EVL: variants seen among roughly 807,000 people sequenced by gnomAD.
EVL encodes the protein ena/VASP-like protein.
A neutral mutation model predicts 59.6 loss-of-function variants in EVL; 21 were observed. That is an observed-to-expected ratio of 0.35 (90% CI 0.25 to 0.51). EVL has a LOEUF of 0.51. Ranked by LOEUF, EVL falls within the 20% of genes least tolerant of loss-of-function variation. EVL has a pLI of 0.97. For synonymous variants in EVL, 198 were observed against 203.5 expected (o/e 0.97, Z 0.23); for missense variants, 462 against 546.6 (o/e 0.85, Z 1.54).
In EVL at chr14:99,991,874, G is replaced by T. The variant is rs1315152823; in HGVS notation, c.5+19817G>T. 2.0e-5 allele frequency among the ~76,000 whole-genome samples: 3 copies of T among 150,932 alleles called. No individual in the cohort carries two copies. The East Asian group carries it at 5.9e-4, about 30-fold the overall frequency. On this transcript the variant is annotated intron_variant, in intron 1 of 13. Transcript: ENST00000402714. ...GGCTATTAGTAGTTAAGATTTTGGG[G>T]ATTCAAAGTTATACATAAATATTCA... is the stretch of plus-strand genomic sequence containing the variant.
At chr14:100,083,683 G>T (rs761081998) in intron 1 of EVL, among the ~76,000 whole-genome samples, 9 of 152,142 alleles carry the variant, frequency 5.9e-5, no homozygotes, top group Admixed American at 6.5e-5. Flanking sequence ...GCTTTACTAC[G>T]TAAATGTCTT....
rs138270464 is a variant in EVL, at chr14:100,101,629, G to A, written c.358+3971G>A. Among the ~76,000 whole-genome samples, 160 of 152,312 alleles carry A rather than the reference G, an allele frequency of 1.1e-3. 1 individual carries two copies. Among genetic ancestry groups the A allele is most frequent in the African/African-American group, 3.6e-3 (148 of 41,566 alleles). On this transcript the variant is annotated intron_variant, in intron 3 of 13. Transcript: ENST00000392920. ...TTATGCTCCAGCCTGGGCAACAAGA[G>A]TGAAACTCCGTCTCAAAAAAATAAG...
chr14:100,033,652 A>G (rs779456519), intron 1 of EVL, among the ~76,000 whole-genome samples: 2 of 152,346 alleles, frequency 1.3e-5, no homozygotes, highest in African/African-American at 2.4e-5. Flanking sequence ...GAACTTGACT[A>G]TGATCAGTGT....
chr14:100,092,329 A>AAAATGTTCAT (rs1656023914), intron 2 of EVL, among the ~76,000 whole-genome samples: 1 of 152,246 alleles, frequency 6.6e-6, no homozygotes, highest in Non-Finnish European at 1.5e-5. Flanking sequence ...TATATGTATG[A>AAAATGTTCAT]AAATGTTCAT....
chr14:100,074,026 G>A (rs1301721471), intron 1 of EVL, among the ~76,000 whole-genome samples: 5 of 148,776 alleles, frequency 3.4e-5, no homozygotes, highest in East Asian at 2.1e-4. Context: ...GCGGGGGGTC[G>A]GGGAGCAGTG....
intron 1 of EVL, among the ~76,000 whole-genome samples, chr14:99,998,770 C>T (rs981281410): frequency 6.6e-6 from 1 of 152,106 alleles, no homozygotes; most frequent in Admixed American, 6.5e-5. Flanking sequence ...GGATGAGCAA[C>T]TTTATATGCA....
chr14:100,141,185 A>T lies in EVL; in HGVS notation c.1100A>T (p.Lys367Met). 1 of 1,613,770 alleles carries T rather than the reference A, an allele frequency of 6.2e-7. No individual in the cohort carries two copies. Among genetic ancestry groups the T allele is most frequent in the Non-Finnish European group, 8.5e-7 (1 of 1,179,920 alleles). The change falls in exon 12 of 14, where the codon AAG becomes ATG. Residue 367 changes from lysine to methionine, a missense_variant. By Grantham distance (95) the Lys-to-Met change is moderately conservative. Coordinates refer to ENST00000392920, the MANE Select transcript of EVL (RefSeq NM_016337.3). ...PLQSQPHSRM[K>M]PAGSVNDMAL... ...ACAGGCCCTTTCTCTCCCAGGATGAAGCCTGCTGGGAGCGTGAATGACATG... is the reference window on the plus strand; with the variant it reads ...ACAGGCCCTTTCTCTCCCAGGATGATGCCTGCTGGGAGCGTGAATGACATG...
chr14:99,997,368 G>A (rs1021193276), intron 1 of EVL, among the ~76,000 whole-genome samples: 2 of 152,248 alleles, frequency 1.3e-5, no homozygotes, highest in African/African-American at 4.8e-5. Flanking sequence ...AGGGCAGGGA[G>A]GCAACCATCC....
intron 3 of EVL, among the ~76,000 whole-genome samples, chr14:100,117,385 C>A (rs1887419359): frequency 6.6e-6 from 1 of 152,242 alleles, no homozygotes; most frequent in Non-Finnish European, 1.5e-5. Context: ...CGAGCCGCAG[C>A]TTCTCACACT....
exon 1 of EVL, chr14:99,971,638 G>A (rs1366676056): frequency 6.6e-6 from 1 of 150,466 alleles, no homozygotes; most frequent in Non-Finnish European, 1.5e-5. Flanking sequence ...CCTCTCCCTC[G>A]AGGACTCGGA....
chr14:100,102,130 C>T (rs1272915856), intron 3 of EVL, among the ~76,000 whole-genome samples: 2 of 152,206 alleles, frequency 1.3e-5, no homozygotes, highest in African/African-American at 4.8e-5. Flanking sequence ...AGTCACCATG[C>T]CCGGTCTGAC....
At position 100,126,702 on chromosome 14, in the gene EVL, T is replaced by C. The variant is rs764089208; in HGVS notation, c.423-5T>C. On this transcript the variant is annotated splice_region_variant and splice_polypyrimidine_tract_variant and intron_variant, in intron 4 of 13. Coordinates refer to ENST00000392920, the MANE Select transcript of EVL (RefSeq NM_016337.3). ...TCAGACTGCCCTGCTGTGATTACTT[T>C]CCAGACAAGTGATGGAGCAGCACCA... The C allele has an allele frequency of 6.2e-7, 1 of 1,614,042 alleles. No individual in the cohort carries two copies. Among genetic ancestry groups the C allele is most frequent in the Non-Finnish European group, 8.5e-7 (1 of 1,179,976 alleles).
intron 1 of EVL, chr14:100,019,753 T>C (rs901557368): frequency 7.0e-7 from 1 of 1,433,076 alleles, no homozygotes; most frequent in Non-Finnish European, 9.4e-7. Flanking sequence ...TTTTGCTGTG[T>C]AATGACAGCT....
intron 1 of EVL, among the ~76,000 whole-genome samples, chr14:100,000,450 C>T (rs760144852): frequency 9.5e-5 from 14 of 147,316 alleles, no homozygotes; most frequent in Middle Eastern, 3.2e-3. Context: ...TGGGTTCAAA[C>T]GATTCTCCTG....
At chr14:99,992,606 T>A (rs1422599696) in intron 1 of EVL, among the ~76,000 whole-genome samples, 1 of 152,224 alleles carries the variant, frequency 6.6e-6, no homozygotes, top group Non-Finnish European at 1.5e-5. Flanking sequence ...TCTTTGTGTA[T>A]GGTGTAAGGT....
intron 1 of EVL, among the ~76,000 whole-genome samples, chr14:99,990,097 G>T (rs1189525350): frequency 6.6e-6 from 1 of 152,118 alleles, no homozygotes; most frequent in Non-Finnish European, 1.5e-5. Context: ...TGTATAACAT[G>T]GTCAGAGTCA....
rs1462807833 is a variant in EVL at position 100,130,995 on chromosome 14, G to A, written c.839+1311G>A. ...GCCGGGAGGGCTCGCAGAACGATGAGGACGTCCCGTGCTGTAAGAGGGACA... is the reference window on the plus strand; with the variant it reads ...GCCGGGAGGGCTCGCAGAACGATGAAGACGTCCCGTGCTGTAAGAGGGACA... On this transcript the variant is annotated intron_variant, in intron 7 of 13. Coordinates refer to ENST00000392920, the MANE Select transcript of EVL (RefSeq NM_016337.3). The surrounding 1 kb of genome is among the most constrained non-coding windows in gnomAD (Gnocchi z 4.8). Among the ~76,000 whole-genome samples the A allele has an allele frequency of 6.6e-6, 1 of 152,198 alleles. No individual in the cohort carries two copies. The highest frequency in any genetic ancestry group is 2.4e-5 in the African/African-American group (1 of 41,462).
chr14:99,991,035 T>A (rs970149736), intron 1 of EVL, among the ~76,000 whole-genome samples: 10 of 151,820 alleles, frequency 6.6e-5, no homozygotes, highest in African/African-American at 2.4e-4. Flanking sequence ...GTTGGAAAAA[T>A]TTTTTGGAGA....
intron 12 of EVL, 118 bp downstream of exon 12, chr14:100,141,364 C>A: frequency 9.0e-7 from 1 of 1,116,176 alleles, no homozygotes; most frequent in South Asian, 1.4e-5. Flanking sequence ...GCCAAAAGGC[C>A]AGTCAGGGAG....
Sources: gnomAD v4.1 joint callset for allele counts (sites outside exome capture counted in the v4.1 genomes callset) on GRCh38, gnomAD v4.1.1 for gene constraint, Gnocchi (gnomAD v3.1) non-coding constraint, MANE v1.5 for transcripts, NCBI Gene and HGNC (gene_info 2026-07-23, HGNC 2026-07-21) for gene names.